TENM3: variants seen among roughly 807,000 people sequenced by gnomAD.
TENM3 encodes the protein teneurin transmembrane protein 3.
TENM3 carries 63 observed loss-of-function variants against 255.1 expected under a neutral mutation model. That is an observed-to-expected ratio of 0.25 (90% CI 0.20 to 0.30). The LOEUF is 0.30. Among genes scored for constraint, TENM3 ranks in the 10% least tolerant of loss-of-function variants. TENM3 has a pLI of 1.00. For synonymous variants in TENM3, 1,306 were observed against 1,322.3 expected, an observed-to-expected ratio of 0.99 and a Z score of 0.27; for missense variants, 2,929 against 3,461.1, an observed-to-expected ratio of 0.85 and a Z score of 3.86.
chr4:181,644,515 C>T, the TENM3 span, among the ~76,000 whole-genome samples: 1 of 152,050 alleles, frequency 6.6e-6, no homozygotes, highest in Non-Finnish European at 1.5e-5. Flanking sequence ...CATGCTTCTG[C>T]AATCTTGTCT....
At chr4:182,536,056 G>A (rs1029745323) in intron 3 of TENM3, among the ~76,000 whole-genome samples, 3 of 152,136 alleles carry the variant, frequency 2.0e-5, no homozygotes, top group Non-Finnish European at 2.9e-5. Context: ...CTCCAAATGG[G>A]AATTGAGATA....
At chr4:182,744,116 T>TA (rs1761830022) in intron 19 of TENM3, 3 of 777,106 alleles carry the variant, frequency 3.9e-6, no homozygotes, top group Non-Finnish European at 4.7e-6. Context: ...TTTTTTTTTT[T>TA]ACCTTTTTTT....
chr4:182,325,993 G>A (rs1452347724), intron 2 of TENM3, among the ~76,000 whole-genome samples: 3 of 152,168 alleles, frequency 2.0e-5, no homozygotes. Flanking sequence ...GGTAGCATTT[G>A]TAGAAGCCCT....
At chr4:181,664,312 C>G in the TENM3 span, among the ~76,000 whole-genome samples, 1 of 151,774 alleles carries the variant, frequency 6.6e-6, no homozygotes, top group African/African-American at 2.4e-5. Flanking sequence ...TCCACAAAAA[C>G]TATACAAATG....
chr4:182,705,537 C>G (rs1296671703), intron 12 of TENM3, among the ~76,000 whole-genome samples: 1 of 152,194 alleles, frequency 6.6e-6, no homozygotes, highest in Non-Finnish European at 1.5e-5. Flanking sequence ...ACATCAGCAA[C>G]TGCTTATATA....
intron 3 of TENM3, among the ~76,000 whole-genome samples, chr4:182,439,641 C>T (rs1482705394): frequency 6.6e-6 from 1 of 152,146 alleles, no homozygotes; most frequent in Non-Finnish European, 1.5e-5. Flanking sequence ...CTCTATTTCC[C>T]CACCATCCAC....
chr4:181,847,903 T>C, the TENM3 span, among the ~76,000 whole-genome samples: 1 of 152,168 alleles, frequency 6.6e-6, no homozygotes, highest in Admixed American at 6.5e-5. Flanking sequence ...ATATGTGTAA[T>C]TGCAAAACCT....
At chr4:181,682,772 A>G in the TENM3 span, among the ~76,000 whole-genome samples, 5 of 152,096 alleles carry the variant, frequency 3.3e-5, no homozygotes, top group East Asian at 9.6e-4. Context: ...ATGAGCACAA[A>G]TTCCAGCCAA....
chr4:182,028,435 G>C, the TENM3 span, among the ~76,000 whole-genome samples: 1 of 151,826 alleles, frequency 6.6e-6, no homozygotes, highest in South Asian at 2.1e-4. Context: ...ATTATCTTTT[G>C]TATTGCTTTC....
At chr4:181,701,845 C>CCCAAT in the TENM3 span, among the ~76,000 whole-genome samples, 1 of 152,150 alleles carries the variant, frequency 6.6e-6, no homozygotes. Flanking sequence ...ATCAGGACAT[C>CCCAAT]CCAATTTTAA....
At chr4:181,603,256 C>T in the TENM3 span, among the ~76,000 whole-genome samples, 3 of 152,030 alleles carry the variant, frequency 2.0e-5, no homozygotes, top group South Asian at 2.1e-4. Context: ...CATATCATGG[C>T]GTGAATCTTG....
chr4:182,197,491 C>T (rs1753901762), intron 1 of TENM3, among the ~76,000 whole-genome samples: 1 of 152,002 alleles, frequency 6.6e-6, no homozygotes, highest in Admixed American at 6.6e-5. Context: ...AAAAAGTTTC[C>T]AAACCACTGC....
chr4:182,530,625 C>T (rs944212340), intron 3 of TENM3, among the ~76,000 whole-genome samples: 17 of 152,092 alleles, frequency 1.1e-4, no homozygotes, highest in African/African-American at 3.9e-4. Context: ...TAGCACCCTC[C>T]TAGTCATGAC....
the TENM3 span, among the ~76,000 whole-genome samples, chr4:181,952,629 C>T: frequency 3.4e-4 from 52 of 152,246 alleles, no homozygotes; most frequent in Non-Finnish European, 2.6e-4. Flanking sequence ...ATGACTCAGA[C>T]AGACTTTAGT....
chr4:181,522,827 A>G, the TENM3 span: 1 of 917,216 alleles, frequency 1.1e-6, no homozygotes, highest in Non-Finnish European at 1.8e-6. Context: ...ATAGAAATGC[A>G]CCTGAATTTT....
intron 3 of TENM3, among the ~76,000 whole-genome samples, chr4:182,453,432 A>G (rs1458306073): frequency 6.6e-6 from 1 of 152,208 alleles, no homozygotes; most frequent in Middle Eastern, 3.2e-3. Context: ...TAAAAGAAAA[A>G]CAGAGTTTCT....
At chr4:182,428,170 A>G (rs1771370706) in intron 3 of TENM3, among the ~76,000 whole-genome samples, 1 of 152,208 alleles carries the variant, frequency 6.6e-6, no homozygotes, top group Admixed American at 6.5e-5. Context: ...TGGATACTGC[A>G]TTAGGTGCTT....
chr4:182,261,786 A>C (rs1359795185), intron 1 of TENM3, among the ~76,000 whole-genome samples: 2 of 152,200 alleles, frequency 1.3e-5, no homozygotes, highest in Admixed American at 1.3e-4. Flanking sequence ...ATTGTCTTAC[A>C]TGTGCCATTA....
At chr4:181,804,320 G>T in the TENM3 span, among the ~76,000 whole-genome samples, 1 of 152,160 alleles carries the variant, frequency 6.6e-6, no homozygotes, top group Non-Finnish European at 1.5e-5. Flanking sequence ...AATTCTAACT[G>T]GTTTGCAAAC....
Sources: allele counts gnomAD v4.1 joint callset (sites outside exome capture counted in the v4.1 genomes callset), GRCh38; gene constraint gnomAD v4.1.1; transcripts MANE v1.5; gene names NCBI Gene and HGNC (gene_info 2026-07-23, HGNC 2026-07-21).